The following BFSP2 variants were observed in gnomAD, a reference collection of about 807,000 sequenced individuals.
BFSP2 encodes beaded filament structural protein 2, also known as phakinin.
Under a neutral mutation model 44.9 loss-of-function variants are expected in BFSP2, and 38 were observed. The observed-to-expected ratio is 0.85, with a 90% CI of 0.65 to 1.11. BFSP2 has a LOEUF of 1.11. BFSP2 is among the 50% of genes least tolerant of loss of function. The pLI, the probability that BFSP2 is intolerant of heterozygous loss-of-function variation, is 0.00. For missense variants in BFSP2, 525 were observed against 533.0 expected (o/e 0.99, Z 0.15); for synonymous variants, 197 against 209.9 (o/e 0.94, Z 0.53).
At chr3:133,443,461 G>A (rs1434851828) in intron 1 of BFSP2, among the ~76,000 whole-genome samples, 1 of 152,164 alleles carries the variant, frequency 6.6e-6, no homozygotes, top group Non-Finnish European at 1.5e-5. Context: ...AGAAAGAATG[G>A]TCAATGAAGT....
chr3:133,450,967 C>T (rs531225108), intron 4 of BFSP2, among the ~76,000 whole-genome samples: 3 of 152,092 alleles, frequency 2.0e-5, no homozygotes, highest in Non-Finnish European at 4.4e-5. Context: ...AAAAATTAGC[C>T]GGACGCATTG....
At chr3:133,441,025 CT>C in intron 1 of BFSP2, among the ~76,000 whole-genome samples, 1 of 149,490 alleles carries the variant, frequency 6.7e-6, no homozygotes. Flanking sequence ...CCTAAATTCA[CT>C]TTCAGATGCA....
At chr3:133,430,923 G>A (rs1034278757) in intron 1 of BFSP2, among the ~76,000 whole-genome samples, 5 of 152,060 alleles carry the variant, frequency 3.3e-5, no homozygotes, top group Admixed American at 6.5e-5. Context: ...GTTTCATTCC[G>A]TGACTAGCCC....
At chr3:133,470,389 G>A (rs1274996473) in intron 5 of BFSP2, among the ~76,000 whole-genome samples, 1 of 152,242 alleles carries the variant, frequency 6.6e-6, no homozygotes, top group Non-Finnish European at 1.5e-5. Context: ...CTGGAGGACA[G>A]GGTACAGAAA....
chr3:133,467,178 C>T (rs1343196288), intron 5 of BFSP2, among the ~76,000 whole-genome samples: 1 of 152,252 alleles, frequency 6.6e-6, no homozygotes, highest in African/African-American at 2.4e-5. Flanking sequence ...TCTTACCAGG[C>T]TGCTGCAGTA....
intron 4 of BFSP2, among the ~76,000 whole-genome samples, chr3:133,453,860 AT>A (rs1197888031): frequency 1.3e-5 from 2 of 152,354 alleles, no homozygotes; most frequent in Admixed American, 6.5e-5. Flanking sequence ...AAATAGAGAC[AT>A]AAAAAAATTT....
chr3:133,458,558 G>T (rs1042995374), intron 4 of BFSP2, among the ~76,000 whole-genome samples: 2 of 152,108 alleles, frequency 1.3e-5, no homozygotes, highest in African/African-American at 4.8e-5. Context: ...AGCCGGGTGT[G>T]GTGGCACACA....
chr3:133,447,313 C>T lies in BFSP2; in HGVS notation c.490-4C>T. ...GTCTCCTTTGGTGTGTGTGATCGCT[C>T]TAGGTGGGTGAGGCAGTCTTGGAAA... On this transcript the variant is annotated splice_region_variant and splice_polypyrimidine_tract_variant and intron_variant, in intron 1 of 6. Transcript: ENST00000302334. 2 of 1,613,878 alleles carry T rather than the reference C, an allele frequency of 1.2e-6. No individual in the cohort carries two copies. The highest frequency in any genetic ancestry group is 1.1e-5 in the South Asian group (1 of 91,056).
At chr3:133,463,404 A>C (rs1283631288) in intron 4 of BFSP2, among the ~76,000 whole-genome samples, 1 of 152,186 alleles carries the variant, frequency 6.6e-6, no homozygotes. Flanking sequence ...ACAAGTGCGC[A>C]GTTTGACCTT....
intron 4 of BFSP2, among the ~76,000 whole-genome samples, chr3:133,465,189 T>C (rs2107939227): frequency 6.6e-6 from 1 of 152,034 alleles, no homozygotes; most frequent in African/African-American, 2.4e-5. Flanking sequence ...GTATTTTTAG[T>C]AGAGACGGGT....
intron 1 of BFSP2, among the ~76,000 whole-genome samples, chr3:133,446,840 CG>C (rs2073906457): frequency 6.6e-6 from 1 of 151,394 alleles, no homozygotes; most frequent in Non-Finnish European, 1.5e-5. Context: ...ACGGTAGCCA[CG>C]GGTGGCCACC....
At chr3:133,424,865 C>T (rs907643262) in intron 1 of BFSP2, among the ~76,000 whole-genome samples, 11 of 152,132 alleles carry the variant, frequency 7.2e-5, no homozygotes, top group African/African-American at 2.7e-4. Flanking sequence ...AAACTCCTAA[C>T]CTCAGGTGAT....
chr3:133,425,944 G>A (rs1490897558), intron 1 of BFSP2, among the ~76,000 whole-genome samples: 2 of 28,352 alleles, frequency 7.1e-5, no homozygotes, highest in South Asian at 1.8e-3. Context: ...GGCAAGGGAA[G>A]GGAGGGGAGG....
At chr3:133,459,450 CAGCAAGGTCACAA>C (rs2074042349) in intron 4 of BFSP2, among the ~76,000 whole-genome samples, 1 of 152,164 alleles carries the variant, frequency 6.6e-6, no homozygotes, top group African/African-American at 2.4e-5. Flanking sequence ...TACAAGGGGG[CAGCAAGGTCACAA>C]AGCCATTTAC....
chr3:133,462,615 A>G (rs1012142250), intron 4 of BFSP2, among the ~76,000 whole-genome samples: 1 of 152,226 alleles, frequency 6.6e-6, no homozygotes, highest in Non-Finnish European at 1.5e-5. Flanking sequence ...ATATGTGCCA[A>G]TCACATTCAC....
Position 133,400,389 on chromosome 3 carries a change from G to A in BFSP2, c.306G>A (p.Glu102=). The part of the protein sequence containing the change: ...GLATVPAPGL[E]RDHGAVEDLG... Reference sequence around the variant, plus strand: ...CCACCGTGCCGGCTCCAGGTTTGGAGAGGGACCATGGTGCTGTTGAGGACC... The same window carrying A: ...CCACCGTGCCGGCTCCAGGTTTGGAAAGGGACCATGGTGCTGTTGAGGACC... Residue 102 remains glutamate (E), a synonymous_variant, in exon 1 of 7, where the codon GAG becomes GAA. Transcript: ENST00000302334. The surrounding 1 kb of genome is among the most constrained non-coding windows in gnomAD (Gnocchi z 4.0). 6.2e-7 allele frequency: 1 copy of A among 1,614,092 alleles called. No individual in the cohort carries two copies. The highest frequency in any genetic ancestry group is 8.5e-7 in the Non-Finnish European group (1 of 1,180,040).
chr3:133,459,157 T>C (rs1435992352), intron 4 of BFSP2, among the ~76,000 whole-genome samples: 2 of 151,750 alleles, frequency 1.3e-5, no homozygotes, highest in Non-Finnish European at 2.9e-5. Flanking sequence ...CTGGGCAACA[T>C]AGTAAGACCC....
chr3:133,439,219 AAAG>A (rs1465506304), intron 1 of BFSP2, among the ~76,000 whole-genome samples: 4 of 152,244 alleles, frequency 2.6e-5, no homozygotes, highest in East Asian at 1.9e-4. Flanking sequence ...GGGTTTTTAT[AAAG>A]AAGGTTTGGC....
Position 133,400,702 on chromosome 3 carries a change from T to C in BFSP2, c.489+130T>C. ...ATCCCCTACACTTTCACACTTAAAATGGTAATGATAACAACAATGCTACCT... is the reference window on the plus strand; with the variant it reads ...ATCCCCTACACTTTCACACTTAAAACGGTAATGATAACAACAATGCTACCT... On this transcript the variant is annotated intron_variant, in intron 1 of 6. Coordinates refer to ENST00000302334, the MANE Select transcript of BFSP2 (RefSeq NM_003571.4). This position sits in a 1 kb window ranked among gnomAD's most constrained non-coding sequence, Gnocchi z 4.0. The C allele has an allele frequency of 7.1e-7, 1 of 1,411,716 alleles. No individual in the cohort carries two copies. Among genetic ancestry groups the C allele is most frequent in the Non-Finnish European group, 9.6e-7 (1 of 1,043,248 alleles). 87.4% of individuals were successfully genotyped at this position (1,411,716 alleles called of 1,614,324 possible).
Sources: allele counts gnomAD v4.1 joint callset (sites outside exome capture counted in the v4.1 genomes callset), GRCh38; gene constraint gnomAD v4.1.1; non-coding constraint Gnocchi (gnomAD v3.1); transcripts MANE v1.5; gene names NCBI Gene and HGNC (gene_info 2026-07-23, HGNC 2026-07-21).